Variants in DNAH8 observed in about 807,000 individuals in gnomAD.
DNAH8 encodes dynein axonemal heavy chain 8, also known as axonemal beta dynein heavy chain 8.
Under a neutral mutation model 562.1 loss-of-function variants are expected in DNAH8, and 382 were observed. That is an observed-to-expected ratio of 0.68 (90% CI 0.63 to 0.74). The LOEUF (loss-of-function observed/expected upper bound fraction) is 0.74. Among genes scored for constraint, DNAH8 ranks in the 30% least tolerant of loss-of-function variants. DNAH8 has a pLI of 0.00. For synonymous variants in DNAH8, 1,881 were observed against 1,919.4 expected (o/e 0.98, Z 0.52); for missense variants, 5,203 against 5,620.4 (o/e 0.93, Z 2.37).
intron 82 of DNAH8, 93 bp from the exon 83 acceptor site, chr6:38,971,499 A>G (rs1763349589): frequency 7.0e-6 from 5 of 709,354 alleles, no homozygotes; most frequent in African/African-American, 1.9e-5. Context: ...GAAACAATAG[A>G]AGGAGGCTAT....
intron 36 of DNAH8, among the ~76,000 whole-genome samples, chr6:38,848,005 C>A (rs1029369751): frequency 6.6e-6 from 1 of 152,108 alleles, no homozygotes; most frequent in East Asian, 1.9e-4. Flanking sequence ...TGGTGTAATT[C>A]TCTCTCTGTG....
chr6:38,899,634 A>G, intron 61 of DNAH8, 142 bp from the exon 62 acceptor site: 1 of 829,172 alleles, frequency 1.2e-6, no homozygotes, highest in Non-Finnish European at 1.8e-6. Context: ...TTTAATTTTA[A>G]AAATTCTGTC....
intron 8 of DNAH8, among the ~76,000 whole-genome samples, chr6:38,744,638 G>C (rs1022738881): frequency 7.9e-5 from 12 of 151,946 alleles, no homozygotes; most frequent in Non-Finnish European, 1.5e-4. Context: ...CGTCACTTAG[G>C]CTGGAGTGCA....
intron 53 of DNAH8, among the ~76,000 whole-genome samples, chr6:38,876,794 G>T (rs1021266703): frequency 6.6e-6 from 1 of 152,198 alleles, no homozygotes; most frequent in South Asian, 2.1e-4. Context: ...TTTGAATCGT[G>T]TAAAATAGAG....
Position 38,899,830 on chromosome 6 carries a change from G to T in DNAH8, c.9118G>T (p.Gly3040Cys), listed in dbSNP as rs774020061. The T allele has an allele frequency of 5.0e-6, 8 of 1,612,536 alleles. No homozygotes were observed. The highest frequency in any genetic ancestry group is 6.8e-6 in the Non-Finnish European group (8 of 1,179,430). The change falls in exon 62 of 93, where the codon GGT becomes TGT. Residue 3040 changes from glycine to cysteine, a missense_variant. Gly to Cys is a radical substitution (Grantham distance 159, BLOSUM62 -3). Coordinates refer to ENST00000327475, the MANE Select transcript of DNAH8 (RefSeq NM_001206927.2). ...CGNALLVGVG[G>C]SGKQSLSRLA... Reference sequence around the variant, plus strand: ...AAATGCATTGCTGGTGGGTGTTGGTGGTTCCGGAAAACAAAGTCTTTCAAG... The same window carrying T: ...AAATGCATTGCTGGTGGGTGTTGGTTGTTCCGGAAAACAAAGTCTTTCAAG...
At chr6:38,741,030 A>G (rs1009206939) in intron 7 of DNAH8, among the ~76,000 whole-genome samples, 1 of 152,156 alleles carries the variant, frequency 6.6e-6, no homozygotes. Flanking sequence ...GTTCTGGGAT[A>G]TCTATTACCA....
Position 38,837,977 on chromosome 6 carries a change from G to T in DNAH8, c.4401G>T (p.Thr1467=). The change falls in exon 33 of 93, where the codon ACG becomes ACT. Residue 1467 remains threonine, a synonymous_variant. Coordinates refer to ENST00000327475, the MANE Select transcript of DNAH8 (RefSeq NM_001206927.2). The part of the protein sequence containing the change: ...SFDDLWRKFV[T]YSSGEQLFGL... Reference sequence around the variant, plus strand: ...ATGATCTGTGGAGGAAATTTGTTACGTATTCATCTGGTGAACAACTTTTTG... The same window carrying T: ...ATGATCTGTGGAGGAAATTTGTTACTTATTCATCTGGTGAACAACTTTTTG... The T allele has an allele frequency of 6.2e-7, 1 of 1,613,094 alleles. No homozygotes were observed. The highest frequency in any genetic ancestry group is 1.1e-5 in the South Asian group (1 of 90,972).
intron 15 of DNAH8, 37 bp downstream of exon 15, chr6:38,780,102 C>T: frequency 6.4e-7 from 1 of 1,572,002 alleles, no homozygotes; most frequent in Non-Finnish European, 8.7e-7. Flanking sequence ...GGTACATTAG[C>T]ACAAAAAGAA....
chr6:39,021,188 G>A (rs1047410737), intron 91 of DNAH8, among the ~76,000 whole-genome samples: 2 of 152,192 alleles, frequency 1.3e-5, no homozygotes, highest in Non-Finnish European at 2.9e-5. Flanking sequence ...ATTCTAATGA[G>A]TGAAGAACCT....
Position 38,918,146 on chromosome 6 carries a change from AG to A in DNAH8, c.10524+7del, listed in dbSNP as rs768154975. 1.3e-6 allele frequency: 2 copies of A among 1,587,602 alleles called. No homozygotes were observed. Among genetic ancestry groups the A allele is most frequent in the South Asian group, 1.1e-5 (1 of 89,402 alleles). ...GAGAAGTGTTGCCTCTGAAGGTAAA[AG>A]TTTCCTTCCTTCTCCCAGTAAATCA... On this transcript the variant is annotated splice_region_variant and intron_variant, in intron 70 of 92. Transcript: ENST00000327475.
In DNAH8 at chr6:38,873,371, G is replaced by A; in HGVS notation, c.7615G>A (p.Val2539Met). Reference sequence around the variant, plus strand: ...GCAGCTCTTGGAGTGCAACTATATTGTGCAAGTAAGATTTTTTTTTGTACA... The same window carrying A: ...GCAGCTCTTGGAGTGCAACTATATTATGCAAGTAAGATTTTTTTTTGTACA... ...KMQLLECNYI[V>M]QSLNLLEGLI... Residue 2539 changes from valine to methionine, a missense_variant, in exon 52 of 93, where the codon GTG becomes ATG. Physicochemically the swap from Val to Met is conservative, Grantham distance 21 (BLOSUM62 1). Around this residue, in one of 6 missense-constraint regions of DNAH8, gnomAD observed 977 missense variants for 1,061.8 expected, o/e 0.92. Transcript: ENST00000327475. 6.3e-7 allele frequency: 1 copy of A among 1,582,960 alleles called. No individual in the cohort carries two copies. Among genetic ancestry groups the A allele is most frequent in the Non-Finnish European group, 8.5e-7 (1 of 1,170,742 alleles).
chr6:38,975,892 TG>T (rs1232564305), intron 85 of DNAH8, among the ~76,000 whole-genome samples: 2 of 152,342 alleles, frequency 1.3e-5, no homozygotes, highest in Non-Finnish European at 2.9e-5. Flanking sequence ...GAGAGCTGGT[TG>T]GGGGTATTTG....
intron 82 of DNAH8, among the ~76,000 whole-genome samples, chr6:38,956,331 C>T (rs1398330419): frequency 6.6e-6 from 1 of 152,168 alleles, no homozygotes; most frequent in Non-Finnish European, 1.5e-5. Flanking sequence ...ACATGCCCTT[C>T]TGAGCCAATG....
rs1381471732 is a variant in DNAH8, at chr6:38,949,585, T to A, written c.12248+15T>A. 2.0e-5 allele frequency: 28 copies of A among 1,392,496 alleles called. No individual in the cohort carries two copies. The highest frequency in any genetic ancestry group is 2.8e-5 in the Non-Finnish European group (27 of 979,160). The allele number at this position is 1,392,496 out of a possible 1,614,324, so 86.3% of individuals were successfully genotyped here. A position where few individuals can be genotyped will look rare whatever the true frequency, so the allele number is the denominator to read the frequency against. ...TTACTTATCAGGTGAGAACAGGCAT[T>A]ATCAGACCTAGAAGCATCACTCATA... On this transcript the variant is annotated intron_variant, in intron 81 of 92. Transcript: ENST00000327475.
chr6:38,731,816 GT>G (rs1763674793), intron 4 of DNAH8, among the ~76,000 whole-genome samples: 1 of 152,196 alleles, frequency 6.6e-6, no homozygotes, highest in African/African-American at 2.4e-5. Context: ...CCGGGTTCAA[GT>G]GATTTTCCTG....
At chr6:38,798,671 C>T (rs747357359) in intron 21 of DNAH8, among the ~76,000 whole-genome samples, 9 of 152,124 alleles carry the variant, frequency 5.9e-5, no homozygotes, top group Non-Finnish European at 1.0e-4. Flanking sequence ...CAGTGTGGGT[C>T]GTTGTGATTA....
At chr6:38,916,050 C>A (rs896726606) in intron 68 of DNAH8, among the ~76,000 whole-genome samples, 1 of 152,016 alleles carries the variant, frequency 6.6e-6, no homozygotes, top group African/African-American at 2.4e-5. Context: ...CTCATTGATC[C>A]TTAAAGAATC....
chr6:38,804,759 A>AAG (rs137967997), intron 22 of DNAH8, among the ~76,000 whole-genome samples: 7,289 of 111,070 alleles, frequency 0.066, 298 homozygotes, highest in East Asian at 0.22. Context: ...ACATAGCAAG[A>AAG]AGAGAGAGAG....
At position 38,791,580 on chromosome 6, in the gene DNAH8, T is replaced by C; in HGVS notation, c.2807T>C (p.Ile936Thr). 6.2e-7 allele frequency: 1 copy of C among 1,613,140 alleles called. No individual in the cohort carries two copies. Among genetic ancestry groups the C allele is most frequent in the Non-Finnish European group, 8.5e-7 (1 of 1,179,762 alleles). Reference sequence around the variant, plus strand: ...ATCAGTGACTTGTGTGAAATGCATATTGATACAGTTCTGAAGGAGATAGCC... The same window carrying C: ...ATCAGTGACTTGTGTGAAATGCATACTGATACAGTTCTGAAGGAGATAGCC... ...KKISDLCEMH[I>T]DTVLKEIAKT... Residue 936 changes from isoleucine (I) to threonine (T), a missense_variant, in exon 21 of 93, where the codon ATT becomes ACT. Around this residue, in one of 6 missense-constraint regions of DNAH8, gnomAD observed 2,176 missense variants for 2,365.1 expected, o/e 0.92. Coordinates refer to ENST00000327475, the MANE Select transcript of DNAH8 (RefSeq NM_001206927.2).
Sources: gnomAD v4.1 joint callset for allele counts (sites outside exome capture counted in the v4.1 genomes callset) on GRCh38, gnomAD v4.1.1 for gene constraint, gnomAD v4.1.1 regional missense constraint, MANE v1.5 for transcripts, NCBI Gene and HGNC (gene_info 2026-07-23, HGNC 2026-07-21) for gene names.